KCNMB2: variants seen among roughly 807,000 people sequenced by gnomAD.
KCNMB2 encodes calcium-activated potassium channel subunit beta-2.
In KCNMB2, 9 loss-of-function variants were observed where a neutral mutation model predicts 24.5. That is an observed-to-expected ratio of 0.37 (90% CI 0.22 to 0.64). KCNMB2 has a LOEUF of 0.64. KCNMB2 is among the 30% of genes least tolerant of loss of function. The pLI, the probability that KCNMB2 is intolerant of heterozygous loss-of-function variation, is 0.63. For missense variants in KCNMB2, 226 were observed against 284.3 expected, an observed-to-expected ratio of 0.79 and a Z score of 1.47; for synonymous variants, 109 against 104.4, an observed-to-expected ratio of 1.04 and a Z score of -0.27.
At chr3:178,655,039 A>C (rs1275023893) in intron 1 of KCNMB2, among the ~76,000 whole-genome samples, 3 of 151,802 alleles carry the variant, frequency 2.0e-5, no homozygotes, top group African/African-American at 7.3e-5. Flanking sequence ...GAATTAAATG[A>C]GATCAAATAA....
chr3:178,663,205 C>T (rs1308650436), intron 1 of KCNMB2, among the ~76,000 whole-genome samples: 1 of 152,092 alleles, frequency 6.6e-6, no homozygotes, highest in Non-Finnish European at 1.5e-5. Flanking sequence ...AGTGAATAAG[C>T]ACTCTTTAAG....
chr3:178,543,183 C>T (rs908005772), intron 1 of KCNMB2, among the ~76,000 whole-genome samples: 2 of 152,144 alleles, frequency 1.3e-5, no homozygotes, highest in African/African-American at 4.8e-5. Flanking sequence ...TTGACCAGAA[C>T]CAGAAACCAA....
chr3:178,700,961 T>C (rs1376792356), intron 1 of KCNMB2, among the ~76,000 whole-genome samples: 3 of 152,242 alleles, frequency 2.0e-5, no homozygotes, highest in African/African-American at 7.2e-5. Context: ...TTTAGTTTAA[T>C]TAGATCCCGT....
intron 1 of KCNMB2, among the ~76,000 whole-genome samples, chr3:178,685,091 CTACCCAACT>C (rs139442733): frequency 0.082 from 12,496 of 152,200 alleles, 544 homozygotes; most frequent in Middle Eastern, 0.13. Context: ...GGGACCATGC[CTACCCAACT>C]CCACCTGGGT....
At chr3:178,697,005 G>A (rs1381134630) in intron 1 of KCNMB2, among the ~76,000 whole-genome samples, 2 of 152,172 alleles carry the variant, frequency 1.3e-5, no homozygotes, top group South Asian at 2.1e-4. Flanking sequence ...TACATTTGCT[G>A]AGGAGTATTT....
chr3:178,585,940 T>A (rs1431646308), intron 1 of KCNMB2, among the ~76,000 whole-genome samples: 1 of 152,212 alleles, frequency 6.6e-6, no homozygotes, highest in African/African-American at 2.4e-5. Flanking sequence ...TATTAGTTAG[T>A]GTGTGTGGTA....
At chr3:178,610,457 A>C (rs1396389290) in intron 1 of KCNMB2, among the ~76,000 whole-genome samples, 2 of 152,134 alleles carry the variant, frequency 1.3e-5, no homozygotes, top group African/African-American at 2.4e-5. Context: ...TTCATTATAG[A>C]GATCATTCAC....
intron 1 of KCNMB2, among the ~76,000 whole-genome samples, chr3:178,656,638 C>G (rs13088016): frequency 6.6e-6 from 1 of 151,682 alleles, no homozygotes; most frequent in Non-Finnish European, 1.5e-5. Context: ...CCGGGTGTGG[C>G]GGTGGGTGCC....
At chr3:178,758,892 C>A (rs1440273142) in intron 1 of KCNMB2, among the ~76,000 whole-genome samples, 1 of 19,822 alleles carries the variant, frequency 5.0e-5, no homozygotes, top group Non-Finnish European at 8.2e-5. Flanking sequence ...ATATATATAT[C>A]TCCAAGAGGG....
At chr3:178,839,871 C>A (rs1715365227) in intron 4 of KCNMB2, among the ~76,000 whole-genome samples, 1 of 152,234 alleles carries the variant, frequency 6.6e-6, no homozygotes, top group African/African-American at 2.4e-5. Flanking sequence ...TCATTCTGCC[C>A]CGGCTCTTCC....
chr3:178,671,861 T>C (rs955097791), intron 1 of KCNMB2, among the ~76,000 whole-genome samples: 2 of 152,132 alleles, frequency 1.3e-5, no homozygotes, highest in African/African-American at 4.8e-5. Flanking sequence ...ATTGACAACA[T>C]AGAGGCTGGA....
intron 1 of KCNMB2, among the ~76,000 whole-genome samples, chr3:178,581,049 C>T (rs541077735): frequency 2.0e-5 from 3 of 152,202 alleles, no homozygotes; most frequent in Non-Finnish European, 2.9e-5. Flanking sequence ...AAAAAGAGCC[C>T]GTATAGCCAA....
At chr3:178,633,643 T>C (rs140636213) in intron 1 of KCNMB2, among the ~76,000 whole-genome samples, 2 of 152,180 alleles carry the variant, frequency 1.3e-5, no homozygotes, top group Non-Finnish European at 2.9e-5. Context: ...CTCCTAGGCC[T>C]CTGGGCCTGT....
At chr3:178,758,181 TCCAAGGGG>T in intron 1 of KCNMB2, among the ~76,000 whole-genome samples, 2 of 64,882 alleles carry the variant, frequency 3.1e-5, no homozygotes, top group East Asian at 5.0e-4. Flanking sequence ...TATATATATA[TCCAAGGGG>T]ATATATATAT....
chr3:178,625,061 C>T (rs1719063291), intron 1 of KCNMB2, among the ~76,000 whole-genome samples: 1 of 152,070 alleles, frequency 6.6e-6, no homozygotes, highest in African/African-American at 2.4e-5. Context: ...GGGTAAGGCA[C>T]AACCTTGTCT....
At chr3:178,556,613 G>T (rs973715577) in intron 1 of KCNMB2, among the ~76,000 whole-genome samples, 4 of 152,088 alleles carry the variant, frequency 2.6e-5, no homozygotes, top group Non-Finnish European at 5.9e-5. Flanking sequence ...CACCATGTTG[G>T]TCAGAGTGGT....
intron 1 of KCNMB2, among the ~76,000 whole-genome samples, chr3:178,538,115 T>A (rs541687968): frequency 1.6e-3 from 249 of 152,328 alleles, no homozygotes; most frequent in Admixed American, 3.7e-3. Flanking sequence ...GTAATCCACA[T>A]ACAAAGTTGA....
intron 1 of KCNMB2, among the ~76,000 whole-genome samples, chr3:178,582,508 G>C (rs1224710464): frequency 6.6e-6 from 1 of 151,786 alleles, no homozygotes; most frequent in Non-Finnish European, 1.5e-5. Context: ...TTAGAGTATA[G>C]AAAAATAGAA....
intron 1 of KCNMB2, among the ~76,000 whole-genome samples, chr3:178,670,009 C>T (rs915439794): frequency 6.6e-6 from 1 of 152,032 alleles, no homozygotes; most frequent in Non-Finnish European, 1.5e-5. Flanking sequence ...CTAGAAAATA[C>T]ATATACATAT....
Sources: allele counts gnomAD v4.1 joint callset (sites outside exome capture counted in the v4.1 genomes callset), GRCh38; gene constraint gnomAD v4.1.1; transcripts MANE v1.5; gene names NCBI Gene and HGNC (gene_info 2026-07-23, HGNC 2026-07-21).